The following CAMTA1 variants were observed in gnomAD, a reference collection of about 807,000 sequenced individuals.
CAMTA1 encodes calmodulin-binding transcription activator 1.
CAMTA1 carries 27 observed loss-of-function variants against 170.9 expected under a neutral mutation model. The observed-to-expected ratio is 0.16, with a 90% CI of 0.12 to 0.22. The LOEUF (loss-of-function observed/expected upper bound fraction) is 0.22. Among genes scored for constraint, CAMTA1 ranks in the 10% least tolerant of loss-of-function variants. CAMTA1 has a pLI of 1.00. For missense variants in CAMTA1, 1,619 were observed against 2,217.2 expected (o/e 0.73, Z 5.42); for synonymous variants, 833 against 891.5 (o/e 0.93, Z 1.17).
At chr1:7,276,303 A>ATATATATATAT in intron 5 of CAMTA1, among the ~76,000 whole-genome samples, 2 of 24,228 alleles carry the variant, frequency 8.3e-5, no homozygotes, top group African/African-American at 3.0e-4. Flanking sequence ...ATATATATAT[A>ATATATATATAT]TTTTTTTTTT....
chr1:7,703,398 A>G (rs2096463844), intron 11 of CAMTA1, among the ~76,000 whole-genome samples: 1 of 152,126 alleles, frequency 6.6e-6, no homozygotes, highest in Non-Finnish European at 1.5e-5. Context: ...CAGGCTTCGG[A>G]ACAGGAGAGG....
chr1:7,616,173 A>G (rs185453680), intron 6 of CAMTA1, among the ~76,000 whole-genome samples: 1 of 152,384 alleles, frequency 6.6e-6, no homozygotes, highest in Non-Finnish European at 1.5e-5. Flanking sequence ...ATTAAAACAC[A>G]AAGGCTCACA....
At chr1:7,285,456 A>G (rs940835993) in intron 5 of CAMTA1, among the ~76,000 whole-genome samples, 1 of 152,060 alleles carries the variant, frequency 6.6e-6, no homozygotes, top group Admixed American at 6.5e-5. Flanking sequence ...GGCACTATTC[A>G]CTTGGGCCTA....
intron 3 of CAMTA1, among the ~76,000 whole-genome samples, chr1:7,058,773 G>A (rs1363157892): frequency 1.3e-5 from 2 of 152,140 alleles, no homozygotes; most frequent in Non-Finnish European, 2.9e-5. Flanking sequence ...CATTCTAGCT[G>A]TTATCCTGGT....
chr1:7,197,266 A>G (rs1334246988), intron 4 of CAMTA1, among the ~76,000 whole-genome samples: 2 of 152,202 alleles, frequency 1.3e-5, no homozygotes, highest in Non-Finnish European at 2.9e-5. Context: ...GGAGATGCTG[A>G]CATTGCTTCA....
intron 4 of CAMTA1, among the ~76,000 whole-genome samples, chr1:7,208,720 G>A (rs1222802574): frequency 6.6e-6 from 1 of 152,210 alleles, no homozygotes; most frequent in Non-Finnish European, 1.5e-5. Context: ...GAAGGCTTTA[G>A]ACAGATTCTG....
intron 3 of CAMTA1, among the ~76,000 whole-genome samples, chr1:6,868,307 T>C (rs1266959599): frequency 6.6e-6 from 1 of 151,050 alleles, no homozygotes. Flanking sequence ...AGACTCTTTT[T>C]TTTTTTTTTT....
At position 7,093,519 on chromosome 1, in the gene CAMTA1, C is replaced by T. The variant is rs547902576; in HGVS notation, c.302+2148C>T. On this transcript the variant is annotated intron_variant, in intron 4 of 22. Coordinates refer to ENST00000303635, the MANE Select transcript of CAMTA1 (RefSeq NM_015215.4). The surrounding 1 kb of genome is among the most constrained non-coding windows in gnomAD (Gnocchi z 4.6). ...CCAGAGAGGGAGCTTCTCTGGAATG[C>T]GTCCTGGGCCAGACATCTGATTTCA... 1.5e-4 allele frequency among the ~76,000 whole-genome samples: 23 copies of T among 152,308 alleles called. No homozygotes were observed. The highest frequency in any genetic ancestry group is 4.6e-4 in the Admixed American group (7 of 15,306).
chr1:7,545,640 C>A (rs1228287025), intron 6 of CAMTA1, among the ~76,000 whole-genome samples: 1 of 152,138 alleles, frequency 6.6e-6, no homozygotes, highest in African/African-American at 2.4e-5. Flanking sequence ...GGATACTGAG[C>A]TCTGTCTGGT....
At chr1:7,185,102 G>A (rs12735487) in intron 4 of CAMTA1, among the ~76,000 whole-genome samples, 31,634 of 152,102 alleles carry the variant, frequency 0.21, 3,866 homozygotes, top group Admixed American at 0.27. Context: ...CATATGGAAA[G>A]GTATAGAAGG....
At chr1:7,489,588 A>G (rs1418455307) in intron 6 of CAMTA1, among the ~76,000 whole-genome samples, 1 of 152,202 alleles carries the variant, frequency 6.6e-6, no homozygotes, top group Non-Finnish European at 1.5e-5. Context: ...GGAAGCTCAC[A>G]GTCTAGGCAG....
At chr1:7,719,957 G>C (rs2096638312) in intron 11 of CAMTA1, among the ~76,000 whole-genome samples, 1 of 152,242 alleles carries the variant, frequency 6.6e-6, no homozygotes, top group African/African-American at 2.4e-5. Context: ...ATGTGCACTT[G>C]AGCTACAAAT....
chr1:7,262,700 C>T (rs1482732431), intron 5 of CAMTA1, among the ~76,000 whole-genome samples: 3 of 152,226 alleles, frequency 2.0e-5, no homozygotes, highest in Non-Finnish European at 2.9e-5. Context: ...CTAGGACACC[C>T]CTTCAAGGGA....
intron 6 of CAMTA1, among the ~76,000 whole-genome samples, chr1:7,549,013 C>A (rs537944582): frequency 4.4e-5 from 6 of 135,036 alleles, no homozygotes; most frequent in Admixed American, 1.5e-4. Flanking sequence ...GTGGAGGGTG[C>A]CCCCTTAGGG....
At chr1:7,690,454 AG>A (rs1219133622) in intron 11 of CAMTA1, among the ~76,000 whole-genome samples, 8 of 152,232 alleles carry the variant, frequency 5.3e-5, no homozygotes, top group Non-Finnish European at 1.2e-4. Context: ...CATGTGGGCA[AG>A]GAACTCTACC....
intron 3 of CAMTA1, among the ~76,000 whole-genome samples, chr1:7,001,902 T>TTC: frequency 6.7e-6 from 1 of 149,544 alleles, no homozygotes; most frequent in East Asian, 1.9e-4. Context: ...TTCTTCTTTT[T>TTC]TTTTTTTTTT....
intron 5 of CAMTA1, among the ~76,000 whole-genome samples, chr1:7,427,692 T>C (rs2091934200): frequency 6.6e-6 from 1 of 152,198 alleles, no homozygotes; most frequent in Non-Finnish European, 1.5e-5. Context: ...GGAAATTAAA[T>C]GTCAATTTGA....
At chr1:7,392,342 A>C (rs1575085149) in intron 5 of CAMTA1, among the ~76,000 whole-genome samples, 1 of 144,970 alleles carries the variant, frequency 6.9e-6, no homozygotes, top group Admixed American at 7.2e-5. Flanking sequence ...CGCAACCTCC[A>C]CCTCCCAGGT....
intron 5 of CAMTA1, among the ~76,000 whole-genome samples, chr1:7,403,074 C>T (rs2090024735): frequency 1.3e-5 from 2 of 152,308 alleles, no homozygotes; most frequent in African/African-American, 2.4e-5. Context: ...ATTAATCACC[C>T]AGGCGCGGTG....
Sources: gnomAD v4.1 joint callset for allele counts (sites outside exome capture counted in the v4.1 genomes callset) on GRCh38, gnomAD v4.1.1 for gene constraint, Gnocchi (gnomAD v3.1) non-coding constraint, MANE v1.5 for transcripts, NCBI Gene and HGNC (gene_info 2026-07-23, HGNC 2026-07-21) for gene names.